The following ZDHHC2 variants were observed in gnomAD, a reference collection of about 807,000 sequenced individuals.
ZDHHC2 encodes the protein palmitoyltransferase ZDHHC2.
A neutral mutation model predicts 55.6 loss-of-function variants in ZDHHC2; 51 were observed. The ratio of observed to expected loss-of-function variants is 0.92; its 90% CI spans 0.73 to 1.16. The LOEUF (loss-of-function observed/expected upper bound fraction) is 1.16, where lower values mean the gene tolerates loss of function less well. Among genes scored for constraint, ZDHHC2 ranks in the 50% most tolerant of loss-of-function variants. The pLI is 0.00. For synonymous variants in ZDHHC2, 199 were observed against 152.9 expected (o/e 1.30, Z -2.22); for missense variants, 491 against 442.4 (o/e 1.11, Z -0.99).
rs1192665816 is a variant in ZDHHC2, at chr8:17,167,305, T to A, written c.130+10452T>A. Among the ~76,000 whole-genome samples the A allele has an allele frequency of 3.4e-3, 115 of 34,026 alleles. No individual in the cohort carries two copies. The East Asian group carries it at 0.044, about 13-fold the overall frequency. 22.3% of individuals were successfully genotyped at this position (34,026 alleles called of 152,430 possible). On this transcript the variant is annotated intron_variant, in intron 1 of 12. Transcript: ENST00000262096. ...AGCTGGTAATACTTTTTTTTTTAAC[T>A]TTTTTTTTTTTTTTTTTTTTGAGAC...
rs1025017762 is a variant in ZDHHC2, at chr8:17,156,941, C to T, written c.130+88C>T. On this transcript the variant is annotated intron_variant, in intron 1 of 12. Coordinates refer to ENST00000262096, the MANE Select transcript of ZDHHC2 (RefSeq NM_016353.5). ...CGCTCAGCCGCTCCTCCGCTCTCGC[C>T]CCCCGGATGCGCCCCGGGCGCTGCC... is the stretch of plus-strand genomic sequence containing the variant. 1.4e-4 allele frequency: 175 copies of T among 1,259,298 alleles called. No homozygotes were observed. In the African/African-American group the frequency reaches 2.4e-3, roughly 17 times the overall value. The allele number at this position is 1,259,298 out of a possible 1,614,324, so 78.0% of individuals were successfully genotyped here.
chr8:17,175,646 T>C (rs1432577492), intron 1 of ZDHHC2, among the ~76,000 whole-genome samples: 1 of 152,188 alleles, frequency 6.6e-6, no homozygotes, highest in Non-Finnish European at 1.5e-5. Flanking sequence ...TCAAAAGAGC[T>C]CGGTGAGATA....
chr8:17,182,854 C>T (rs946565718), intron 1 of ZDHHC2, among the ~76,000 whole-genome samples: 9 of 152,072 alleles, frequency 5.9e-5, no homozygotes, highest in East Asian at 1.9e-4. Context: ...CTCTGCCTCC[C>T]GGGTTCAAGC....
rs56692899 is a variant in ZDHHC2, at chr8:17,214,259, C to A, written c.951-978C>A. Among the ~76,000 whole-genome samples the A allele has an allele frequency of 5.7e-4, 87 of 152,118 alleles. No homozygotes were observed. The South Asian group carries it at 0.017, about 30-fold the overall frequency. On this transcript the variant is annotated intron_variant, in intron 10 of 12. Transcript: ENST00000262096. ...TTCCACCTAAATTTTAAAGAAAATT[C>A]TTCTTAGAAGACTGCTCATTCCCCA... is the stretch of plus-strand genomic sequence containing the variant.
Position 17,186,371 on chromosome 8 carries a change from T to G in ZDHHC2, c.198T>G (p.Phe66Leu). Residue 66 changes from phenylalanine (F) to leucine (L), a missense_variant, in exon 3 of 13, where the codon TTT (phenylalanine) becomes TTG (leucine). Physicochemically the swap from Phe to Leu is conservative, Grantham distance 22. Transcript: ENST00000262096. ...CCTATCATCTACTTTTTGCAATGTT[T>G]GTCTGGTCATACTGGAAAACTATCT... ...LMAYHLLFAM[F>L]VWSYWKTIFT... 1.9e-6 allele frequency: 3 copies of G among 1,593,334 alleles called. No homozygotes were observed. Among genetic ancestry groups the G allele is most frequent in the Non-Finnish European group, 1.7e-6 (2 of 1,173,250 alleles).
chr8:17,203,391 C>T (rs958241601), intron 6 of ZDHHC2, among the ~76,000 whole-genome samples: 6 of 152,126 alleles, frequency 3.9e-5, no homozygotes, highest in East Asian at 1.9e-4. Context: ...CCACCATGCC[C>T]GGCTAATTTT....
At position 17,224,104 on chromosome 8, in the gene ZDHHC2, C is replaced by T. The variant is rs1461045634; in HGVS notation, c.*3883C>T. Reference sequence around the variant, plus strand: ...AACTATGATGATGCAGTCCAGGTATCTAATAGCTCAATCACCAACACCGCT... The same window carrying T: ...AACTATGATGATGCAGTCCAGGTATTTAATAGCTCAATCACCAACACCGCT... On this transcript the variant is annotated 3_prime_UTR_variant, in exon 13 of 13. Transcript: ENST00000262096. 1 of 151,556 alleles carries T rather than the reference C, an allele frequency of 6.6e-6. No individual in the cohort carries two copies. The highest frequency in any genetic ancestry group is 1.5e-5 in the Non-Finnish European group (1 of 67,672). 9.4% of individuals were successfully genotyped at this position (151,556 alleles called of 1,614,324 possible).
chr8:17,223,120 T>C lies in ZDHHC2; in HGVS notation c.*2899T>C, dbSNP rs544796314. The C allele has an allele frequency of 6.6e-6, 1 of 152,072 alleles. No homozygotes were observed. The highest frequency in any genetic ancestry group is 2.4e-5 in the African/African-American group (1 of 41,580). The allele number at this position is 152,072 out of a possible 1,614,324, so 9.4% of individuals were successfully genotyped here. ...AAAAAAGTGTTACTCCATTATGTTA[T>C]AAACTAGCAGATTTTCCCTATTTTG... On this transcript the variant is annotated 3_prime_UTR_variant, in exon 13 of 13. Transcript: ENST00000262096.
intron 1 of ZDHHC2, among the ~76,000 whole-genome samples, chr8:17,161,336 C>G (rs912409759): frequency 6.6e-6 from 1 of 152,102 alleles, no homozygotes. Context: ...TAAACTATTA[C>G]TTTAAAAACT....
chr8:17,165,946 G>A (rs1044086804), intron 1 of ZDHHC2, among the ~76,000 whole-genome samples: 24 of 152,340 alleles, frequency 1.6e-4, no homozygotes, highest in African/African-American at 5.3e-4. Context: ...GCATGTGTGA[G>A]GAAGAGCAAG....
At chr8:17,158,277 C>T (rs1237452621) in intron 1 of ZDHHC2, among the ~76,000 whole-genome samples, 3 of 152,198 alleles carry the variant, frequency 2.0e-5, no homozygotes, top group East Asian at 1.9e-4. Flanking sequence ...GTATATGTTA[C>T]GTAACTGTTG....
chr8:17,170,054 A>G (rs566374348), intron 1 of ZDHHC2, among the ~76,000 whole-genome samples: 1 of 152,346 alleles, frequency 6.6e-6, no homozygotes, highest in South Asian at 2.1e-4. Context: ...TGTTTCAGCA[A>G]TTGCTGTCAG....
At chr8:17,158,071 T>G (rs1178147833) in intron 1 of ZDHHC2, among the ~76,000 whole-genome samples, 1 of 152,172 alleles carries the variant, frequency 6.6e-6, no homozygotes, top group African/African-American at 2.4e-5. Flanking sequence ...CTTGAAGGGA[T>G]TTAGAAACAA....
At chr8:17,210,123 AG>A in intron 9 of ZDHHC2, 65 bp downstream of exon 9, 1 of 1,513,068 alleles carries the variant, frequency 6.6e-7, no homozygotes, top group Non-Finnish European at 8.9e-7. Flanking sequence ...AGATAGTTTC[AG>A]GAAAAGCCTC....
chr8:17,200,775 T>C (rs1228763152), intron 6 of ZDHHC2, among the ~76,000 whole-genome samples: 1 of 152,204 alleles, frequency 6.6e-6, no homozygotes, highest in African/African-American at 2.4e-5. Context: ...CCCTAGAATT[T>C]TTAAAAATAG....
At chr8:17,162,312 T>C (rs1380345930) in intron 1 of ZDHHC2, among the ~76,000 whole-genome samples, 1 of 152,238 alleles carries the variant, frequency 6.6e-6, no homozygotes, top group Non-Finnish European at 1.5e-5. Flanking sequence ...CTTAGTCTTA[T>C]TCAATTGTAT....
At chr8:17,211,578 C>T (rs1807386978) in intron 10 of ZDHHC2, among the ~76,000 whole-genome samples, 1 of 152,106 alleles carries the variant, frequency 6.6e-6, no homozygotes, top group Non-Finnish European at 1.5e-5. Context: ...CAGCCATGAC[C>T]GCCCAGGATC....
At chr8:17,199,359 C>T (rs112045973) in intron 6 of ZDHHC2, among the ~76,000 whole-genome samples, 68 of 152,088 alleles carry the variant, frequency 4.5e-4, no homozygotes, top group African/African-American at 1.5e-3. Flanking sequence ...ACGCCCCCTT[C>T]GTACTAATTG....
intron 1 of ZDHHC2, among the ~76,000 whole-genome samples, chr8:17,167,950 C>A (rs1222179400): frequency 1.3e-5 from 2 of 152,222 alleles, no homozygotes; most frequent in African/African-American, 4.8e-5. Context: ...CCCCACCCGC[C>A]CTTAATGTGC....
Sources: allele counts gnomAD v4.1 joint callset (sites outside exome capture counted in the v4.1 genomes callset), GRCh38; gene constraint gnomAD v4.1.1; transcripts MANE v1.5; gene names NCBI Gene and HGNC (gene_info 2026-07-23, HGNC 2026-07-21).